Variants in CPA5 observed in about 807,000 individuals in gnomAD.
The protein encoded by CPA5 is carboxypeptidase A5.
In CPA5, 38 loss-of-function variants were observed where a neutral mutation model predicts 52.2. The ratio of observed to expected loss-of-function variants is 0.73; its 90% CI spans 0.56 to 0.95. The LOEUF is 0.95. CPA5 is among the 40% of genes least tolerant of loss of function. The pLI is 0.00. For synonymous variants in CPA5, 198 were observed against 213.7 expected (o/e 0.93, Z 0.64); for missense variants, 519 against 566.7 (o/e 0.92, Z 0.86).
At chr7:130,369,289 G>A (rs117698876), downstream of CPA5, among the ~76,000 whole-genome samples, 17 of 150,916 alleles carry the variant, frequency 1.1e-4, no homozygotes, top group South Asian at 2.1e-3. Context: ...CATCATCAGC[G>A]ACACCATCCT....
intron 5 of CPA5, among the ~76,000 whole-genome samples, chr7:130,355,424 T>C (rs1795420745): frequency 1.3e-5 from 2 of 151,620 alleles, no homozygotes; most frequent in African/African-American, 2.4e-5. Context: ...TGTGTGTTTG[T>C]GTGATGGAGT....
chr7:130,359,514 GGAGGCAGGGCTCAGAA>G (rs1795674097), intron 5 of CPA5, 59 bp from the exon 6 acceptor site: 11 of 1,025,308 alleles, frequency 1.1e-5, no homozygotes, highest in Middle Eastern at 2.1e-4. Flanking sequence ...CACAGCCAGT[GGAGGCAGGGCTCAGAA>G]GAGGCATAGC....
intron 3 of CPA5, among the ~76,000 whole-genome samples, chr7:130,347,033 G>C (rs1268122468): frequency 6.6e-6 from 1 of 152,202 alleles, no homozygotes; most frequent in East Asian, 1.9e-4. Flanking sequence ...TTACACGCCA[G>C]GCCCTCTGTG....
downstream of CPA5, among the ~76,000 whole-genome samples, chr7:130,372,311 G>A (rs1554410016): frequency 1.3e-5 from 2 of 152,220 alleles, no homozygotes; most frequent in Non-Finnish European, 2.9e-5. Context: ...CTCTATATTT[G>A]TTAAAGGACT....
At chr7:130,351,280 T>C (rs991906756) in intron 5 of CPA5, among the ~76,000 whole-genome samples, 47 of 152,242 alleles carry the variant, frequency 3.1e-4, no homozygotes, top group Admixed American at 2.0e-4. Context: ...AACTGAATTC[T>C]CATTTTTAGC....
downstream of CPA5, among the ~76,000 whole-genome samples, chr7:130,369,999 G>A (rs185921404): frequency 3.1e-4 from 47 of 152,354 alleles, no homozygotes; most frequent in Non-Finnish European, 5.9e-4. Context: ...ACTAATGGCC[G>A]AAGAAGGAGA....
chr7:130,361,489 G>C (rs1795788144), intron 7 of CPA5, among the ~76,000 whole-genome samples: 1 of 152,182 alleles, frequency 6.6e-6, no homozygotes. Flanking sequence ...GGATGGCTAA[G>C]GAGTTGGGGC....
chr7:130,346,307 G>T, intron 2 of CPA5, 86 bp from the exon 3 acceptor site: 1 of 498,040 alleles, frequency 2.0e-6, no homozygotes, highest in Non-Finnish European at 3.5e-6. Flanking sequence ...GTGCTGGGTT[G>T]GGGAGGGGCA....
At chr7:130,367,265 C>A in intron 10 of CPA5, 107 bp from the exon 11 acceptor site, 1 of 956,140 alleles carries the variant, frequency 1.0e-6, no homozygotes, top group Non-Finnish European at 1.6e-6. Flanking sequence ...CTCAGTCATA[C>A]TGCAAAGGAG....
chr7:130,361,339 C>T (rs542050458), intron 7 of CPA5, 95 bp downstream of exon 7: 154 of 838,638 alleles, frequency 1.8e-4, no homozygotes, highest in Middle Eastern at 4.5e-4. Context: ...GGGAGTTTTG[C>T]GGAGAAGGAC....
At chr7:130,352,984 A>G (rs1562951251) in intron 5 of CPA5, among the ~76,000 whole-genome samples, 1 of 152,168 alleles carries the variant, frequency 6.6e-6, no homozygotes, top group Non-Finnish European at 1.5e-5. Context: ...AGTGGAAAGC[A>G]CAAGGAGAAA....
intron 5 of CPA5, among the ~76,000 whole-genome samples, chr7:130,356,154 T>C (rs1469383346): frequency 6.6e-6 from 1 of 151,018 alleles, no homozygotes; most frequent in Non-Finnish European, 1.5e-5. Context: ...ATGAGCTGCG[T>C]CCATTTTGCA....
At chr7:130,370,710 C>T (rs748814573), downstream of CPA5, among the ~76,000 whole-genome samples, 15 of 152,164 alleles carry the variant, frequency 9.9e-5, no homozygotes, top group Admixed American at 6.5e-4. Context: ...CAAGTGCAGC[C>T]GGTGGCCCAT....
At chr7:130,371,493 A>C (rs1333722675), downstream of CPA5, among the ~76,000 whole-genome samples, 1 of 152,194 alleles carries the variant, frequency 6.6e-6, no homozygotes, top group Non-Finnish European at 1.5e-5. Flanking sequence ...ACTTGTTCTC[A>C]CAGCCAGCTT....
At chr7:130,353,333 T>C (rs1554404468) in intron 5 of CPA5, among the ~76,000 whole-genome samples, 1 of 152,148 alleles carries the variant, frequency 6.6e-6, no homozygotes, top group African/African-American at 2.4e-5. Context: ...CGACTCTCAA[T>C]GTTCCTCTTC....
At chr7:130,356,306 A>G (rs1240723622) in intron 5 of CPA5, among the ~76,000 whole-genome samples, 1 of 152,158 alleles carries the variant, frequency 6.6e-6, no homozygotes, top group African/African-American at 2.4e-5. Flanking sequence ...CTCATCGTAA[A>G]TTAATTCACA....
chr7:130,358,188 G>A (rs1795596627), intron 5 of CPA5, among the ~76,000 whole-genome samples: 1 of 152,024 alleles, frequency 6.6e-6, no homozygotes, highest in Admixed American at 6.6e-5. Context: ...TTGTAGAGAT[G>A]GGGCCTTGCT....
At chr7:130,349,883 CTG>C in intron 4 of CPA5, 90 bp from the exon 5 acceptor site, 3 of 1,437,412 alleles carry the variant, frequency 2.1e-6, no homozygotes, top group Non-Finnish European at 1.9e-6. Flanking sequence ...TCTCTACTGG[CTG>C]AGAGATTCTC....
the CPA5 span, among the ~76,000 whole-genome samples, chr7:130,374,077 A>C: frequency 6.6e-6 from 1 of 151,776 alleles, no homozygotes; most frequent in Non-Finnish European, 1.5e-5. Flanking sequence ...ACCCGGTCCC[A>C]GGCATGTTGG....
Sources: gnomAD v4.1 joint callset for allele counts (sites outside exome capture counted in the v4.1 genomes callset) on GRCh38, gnomAD v4.1.1 for gene constraint, MANE v1.5 for transcripts, NCBI Gene and HGNC (gene_info 2026-07-23, HGNC 2026-07-21) for gene names.